ZMYM1: variants seen among roughly 807,000 people sequenced by gnomAD.
ZMYM1 encodes zinc finger MYM-type containing 1, also known as zinc finger MYM-type protein 1.
In ZMYM1, 39 loss-of-function variants were observed where a neutral mutation model predicts 60.0. That is an observed-to-expected ratio of 0.65 (90% CI 0.50 to 0.85). The LOEUF is 0.85. Ranked by LOEUF, ZMYM1 falls within the 40% of genes least tolerant of loss-of-function variation. ZMYM1 has a pLI of 0.00. For synonymous variants in ZMYM1, 413 were observed against 454.0 expected (o/e 0.91, Z 1.15); for missense variants, 1,171 against 1,309.5 (o/e 0.89, Z 1.63).
In ZMYM1 at chr1:35,101,654, ATTC is replaced by A. The variant is rs374586286; in HGVS notation, c.420-2636_420-2634del. ...TTACAACCGCCCACCCCCCAAATTA[ATTC>A]TTCTGTGGTCTGTGATTTTACAGTG... is the stretch of plus-strand genomic sequence containing the variant. On this transcript the variant is annotated intron_variant, in intron 4 of 9. Transcript: ENST00000359858. 4.2e-3 allele frequency among the ~76,000 whole-genome samples: 640 copies of A among 151,298 alleles called. 1 individual carries two copies. Among genetic ancestry groups the A allele is most frequent in the Middle Eastern group, 6.8e-3 (2 of 292 alleles).
At chr1:35,074,397 C>T (rs951667929), upstream of ZMYM1, among the ~76,000 whole-genome samples, 11 of 151,984 alleles carry the variant, frequency 7.2e-5, no homozygotes, top group Admixed American at 2.0e-4. Context: ...TAGCTAAAGT[C>T]TGATGTTTCT....
intron 1 of ZMYM1, among the ~76,000 whole-genome samples, chr1:35,061,543 G>A (rs1016211516): frequency 1.3e-5 from 2 of 151,998 alleles, no homozygotes; most frequent in South Asian, 2.1e-4. Context: ...TTGGAAGGCC[G>A]AGGCAGGCAG....
At chr1:35,060,476 C>G (rs1641854172) in intron 1 of ZMYM1, among the ~76,000 whole-genome samples, 2 of 152,064 alleles carry the variant, frequency 1.3e-5, no homozygotes, top group Non-Finnish European at 2.9e-5. Flanking sequence ...AATCTATTAA[C>G]AAGAATAGAG....
chr1:35,098,588 GC>G (rs1643465403), intron 4 of ZMYM1, among the ~76,000 whole-genome samples: 1 of 152,138 alleles, frequency 6.6e-6, no homozygotes, highest in South Asian at 2.1e-4. Context: ...TGCTAGATCA[GC>G]ATCACCCAAG....
chr1:35,087,201 A>C (rs1642705084), intron 1 of ZMYM1, among the ~76,000 whole-genome samples: 1 of 150,788 alleles, frequency 6.6e-6, no homozygotes, highest in South Asian at 2.1e-4. Flanking sequence ...CATGTTGGCC[A>C]GGCTAGTCTC....
chr1:35,115,163 A>G lies in ZMYM1; in HGVS notation c.3333A>G (p.Leu1111=). ...MGQEKLTGPA[L]MAVEQELVNK... ...AAGAGAAGCTTACTGGCCCAGCCCTAATGGCTGTTGAGCAGGAGTTGGTAA... is the reference window on the plus strand; with the variant it reads ...AAGAGAAGCTTACTGGCCCAGCCCTGATGGCTGTTGAGCAGGAGTTGGTAA... Residue 1111 remains leucine (L), a synonymous_variant, in exon 10 of 10, where the codon CTA becomes CTG. Coordinates refer to ENST00000359858, the MANE Select transcript of ZMYM1 (RefSeq NM_024772.5). 6.2e-7 allele frequency: 1 copy of G among 1,614,022 alleles called. No homozygotes were observed. The highest frequency in any genetic ancestry group is 8.5e-7 in the Non-Finnish European group (1 of 1,179,956).
chr1:35,113,634 T>G lies in ZMYM1; in HGVS notation c.1804T>G (p.Phe602Val). The change falls in exon 10 of 10, where the codon TTT becomes GTT. Residue 602 changes from phenylalanine to valine, a missense_variant. Transcript: ENST00000359858. ...AGCAAAAGATAAAGGAGAAGAAACA[T>G]TTCGACTTATGAATTCACAAGTTGA... ...MRAKDKGEET[F>V]RLMNSQVDFY... 1.2e-6 allele frequency: 2 copies of G among 1,612,804 alleles called. No homozygotes were observed. Among genetic ancestry groups the G allele is most frequent in the Non-Finnish European group, 1.7e-6 (2 of 1,179,628 alleles).
In ZMYM1 at chr1:35,062,711, A is replaced by G. The variant is rs575692815; in HGVS notation, c.-301+2786A>G. On this transcript the variant is annotated intron_variant, in intron 1 of 10. Transcript: ENST00000417119. Reference sequence around the variant, plus strand: ...ACAGAAACCGGGTCTGGTTACTTTAAGCCAAAAAGGGGAAATGTGTAATAA... The same window carrying G: ...ACAGAAACCGGGTCTGGTTACTTTAGGCCAAAAAGGGGAAATGTGTAATAA... Among the ~76,000 whole-genome samples the G allele has an allele frequency of 5.3e-5, 8 of 152,340 alleles. No homozygotes were observed. The East Asian group carries it at 1.3e-3, about 26-fold the overall frequency.
chr1:35,061,014 A>G (rs1001800980), intron 1 of ZMYM1, among the ~76,000 whole-genome samples: 15 of 152,146 alleles, frequency 9.9e-5, no homozygotes, highest in African/African-American at 2.4e-4. Flanking sequence ...CTCCTCCCCA[A>G]TGGACACCTG....
At chr1:35,063,166 A>C (rs1297930708) in intron 1 of ZMYM1, among the ~76,000 whole-genome samples, 1 of 149,208 alleles carries the variant, frequency 6.7e-6, no homozygotes, top group African/African-American at 2.5e-5. Flanking sequence ...TCACTTTATC[A>C]CCCAGGTTGG....
chr1:35,063,234 C>T lies in ZMYM1; in HGVS notation c.-301+3309C>T, dbSNP rs139875867. Among the ~76,000 whole-genome samples the T allele has an allele frequency of 3.4e-3, 510 of 151,512 alleles. 4 individuals carry two copies. Among genetic ancestry groups the T allele is most frequent in the African/African-American group, 0.011 (462 of 41,286 alleles). On this transcript the variant is annotated intron_variant, in intron 1 of 10. Coordinates refer to the ZMYM1 transcript ENST00000417119. ...CTCAGATTCCTGGGCTCCAGTGGTT[C>T]TTCAGCCTCAGTCTCTAGAGTAGCT...
intron 1 of ZMYM1, among the ~76,000 whole-genome samples, chr1:35,082,447 C>T (rs554364031): frequency 4.0e-5 from 6 of 151,870 alleles, no homozygotes; most frequent in Non-Finnish European, 8.8e-5. Context: ...TCTCCTGCCT[C>T]AGCTTCCCGA....
rs1487644196 is a variant in ZMYM1 at position 35,106,164 on chromosome 1, T to G, written c.807+1395T>G. 3.9e-5 allele frequency among the ~76,000 whole-genome samples: 6 copies of G among 152,308 alleles called. 1 individual carries two copies. The highest frequency in any genetic ancestry group is 6.8e-3 in the Middle Eastern group (2 of 294). ...AGGAAATAATCCAGTGAGATTAGTATTATTTGTCCCTATTTCTGATAGACA... is the reference window on the plus strand; with the variant it reads ...AGGAAATAATCCAGTGAGATTAGTAGTATTTGTCCCTATTTCTGATAGACA... On this transcript the variant is annotated intron_variant, in intron 6 of 9. Coordinates refer to ENST00000359858, the MANE Select transcript of ZMYM1 (RefSeq NM_024772.5).
At chr1:35,074,688 T>C (rs199983543), upstream of ZMYM1, among the ~76,000 whole-genome samples, 19 of 152,296 alleles carry the variant, frequency 1.2e-4, no homozygotes, top group East Asian at 3.7e-3. Context: ...ATTACAGGCA[T>C]GAGCCACCGC....
At chr1:35,116,981 C>T (rs1469702499), downstream of ZMYM1, among the ~76,000 whole-genome samples, 2 of 148,716 alleles carry the variant, frequency 1.3e-5, no homozygotes, top group African/African-American at 2.5e-5. Flanking sequence ...GTAGCTGGGA[C>T]TACAGGCGCC....
chr1:35,091,903 AAAAAAAG>A (rs1439282859), intron 1 of ZMYM1, among the ~76,000 whole-genome samples: 3 of 151,242 alleles, frequency 2.0e-5, no homozygotes, highest in African/African-American at 7.3e-5. Flanking sequence ...AAAAAAAAAA[AAAAAAAG>A]AGAAAAAGAC....
intron 1 of ZMYM1, among the ~76,000 whole-genome samples, chr1:35,067,895 A>G (rs559807437): frequency 6.6e-6 from 1 of 151,848 alleles, no homozygotes; most frequent in South Asian, 2.1e-4. Flanking sequence ...AAAAAACAAA[A>G]AACCTTATTC....
At chr1:35,094,651 T>A (rs1372789581) in intron 2 of ZMYM1, among the ~76,000 whole-genome samples, 3 of 152,064 alleles carry the variant, frequency 2.0e-5, no homozygotes, top group African/African-American at 7.2e-5. Flanking sequence ...GCCCAAGAGT[T>A]TGAGACCAAC....
intron 1 of ZMYM1, 73 bp downstream of exon 1, chr1:35,079,515 T>C (rs1642251767): frequency 6.6e-6 from 1 of 152,296 alleles, no homozygotes; most frequent in Admixed American, 6.5e-5. Context: ...GGGTTTCTGC[T>C]GTCGGTCGGA....
Sources: allele counts gnomAD v4.1 joint callset (sites outside exome capture counted in the v4.1 genomes callset), GRCh38; gene constraint gnomAD v4.1.1; transcripts MANE v1.5; gene names NCBI Gene and HGNC (gene_info 2026-07-23, HGNC 2026-07-21).